Variants in RGS6 observed in about 807,000 individuals in gnomAD.
The protein encoded by RGS6 is regulator of G protein signaling 6.
A neutral mutation model predicts 78.5 loss-of-function variants in RGS6; 30 were observed. The observed-to-expected ratio is 0.38, with a 90% confidence interval of 0.29 to 0.52. The LOEUF (loss-of-function observed/expected upper bound fraction) is 0.52. Among genes scored for constraint, RGS6 ranks in the 20% least tolerant of loss-of-function variants. The pLI, the probability that RGS6 is intolerant of heterozygous loss-of-function variation, is 0.85. For missense variants in RGS6, 495 were observed against 609.7 expected (o/e 0.81, Z 1.98); for synonymous variants, 206 against 206.0 (o/e 1.00, Z 0.00).
At chr14:72,614,733 A>AAAT in the RGS6 span, among the ~76,000 whole-genome samples, 5 of 150,042 alleles carry the variant, frequency 3.3e-5, no homozygotes, top group East Asian at 2.0e-4. Flanking sequence ...CCTTTTTACA[A>AAAT]AATAATAATA....
chr14:72,472,910 T>C lies in RGS6; in HGVS notation c.575T>C (p.Leu192Ser), dbSNP rs1188196940. The C allele has an allele frequency of 6.2e-7, 1 of 1,613,500 alleles. No homozygotes were observed. Among genetic ancestry groups the C allele is most frequent in the Non-Finnish European group, 8.5e-7 (1 of 1,179,770 alleles). Residue 192 changes from leucine (L) to serine (S), a missense_variant, in exon 9 of 18, where the codon TTG becomes TCG. By Grantham distance (145) the Leu-to-Ser change is moderately radical (BLOSUM62 -2). Coordinates refer to ENST00000553525, the MANE Select transcript of RGS6 (RefSeq NM_001204424.2). ...AAAGACAAGACAGAAAGGAAAATTT[T>C]GGATAGTCAAGAACGAGCCTTTTGG... ...RKKDKTERKI[L>S]DSQERAFWDV...
At chr14:72,410,436 T>G (rs2093323680) in intron 3 of RGS6, among the ~76,000 whole-genome samples, 1 of 152,194 alleles carries the variant, frequency 6.6e-6, no homozygotes, top group Non-Finnish European at 1.5e-5. Context: ...TCTTGTAAAT[T>G]TGTTGGAGTT....
chr14:72,386,232 C>T (rs144879653), intron 3 of RGS6, among the ~76,000 whole-genome samples: 58 of 152,190 alleles, frequency 3.8e-4, no homozygotes, highest in African/African-American at 1.3e-3. Flanking sequence ...TGTTTGATGT[C>T]AAAATACTAA....
chr14:72,334,746 G>A (rs1256394818), intron 2 of RGS6, among the ~76,000 whole-genome samples: 1 of 152,096 alleles, frequency 6.6e-6, no homozygotes, highest in Non-Finnish European at 1.5e-5. Flanking sequence ...CTTTCCAGAT[G>A]AGACTCTCCC....
chr14:72,186,307 C>G (rs2097245782), intron 2 of RGS6, among the ~76,000 whole-genome samples: 1 of 152,220 alleles, frequency 6.6e-6, no homozygotes, highest in Non-Finnish European at 1.5e-5. Flanking sequence ...GGCATTAACG[C>G]AGATGGAATA....
intron 2 of RGS6, among the ~76,000 whole-genome samples, chr14:72,017,161 T>C (rs1007140188): frequency 6.6e-6 from 1 of 152,174 alleles, no homozygotes; most frequent in Admixed American, 6.5e-5. Flanking sequence ...AGCTTCTTTC[T>C]AAGTAGCTGT....
the RGS6 span, among the ~76,000 whole-genome samples, chr14:72,622,912 T>C: frequency 6.6e-5 from 10 of 152,142 alleles, no homozygotes; most frequent in Non-Finnish European, 1.3e-4. Flanking sequence ...ACATTTACAC[T>C]ATCTGTAAAG....
intron 2 of RGS6, among the ~76,000 whole-genome samples, chr14:72,348,438 G>A (rs547837945): frequency 7.2e-5 from 11 of 152,260 alleles, no homozygotes; most frequent in Admixed American, 4.6e-4. Flanking sequence ...TAGATGTTCT[G>A]AAAATACTTA....
chr14:72,610,282 G>T, the RGS6 span, among the ~76,000 whole-genome samples: 1 of 152,208 alleles, frequency 6.6e-6, no homozygotes, highest in Non-Finnish European at 1.5e-5. Flanking sequence ...GGTGGAGCCT[G>T]TGCAGGCCTG....
intron 2 of RGS6, among the ~76,000 whole-genome samples, chr14:72,253,930 A>G (rs1180930775): frequency 1.3e-5 from 2 of 152,132 alleles, no homozygotes; most frequent in Admixed American, 1.3e-4. Flanking sequence ...TCGGGGCACC[A>G]CCTCTGCTCA....
At chr14:72,073,556 C>A (rs1354897504) in intron 2 of RGS6, among the ~76,000 whole-genome samples, 1 of 152,140 alleles carries the variant, frequency 6.6e-6, no homozygotes, top group Non-Finnish European at 1.5e-5. Context: ...AGGACACCAT[C>A]CCATCACAGG....
the RGS6 span, among the ~76,000 whole-genome samples, chr14:71,895,680 A>G: frequency 1.3e-5 from 2 of 152,174 alleles, no homozygotes; most frequent in Non-Finnish European, 2.9e-5. Context: ...ACTGCTTGTT[A>G]TGCTGTGTGC....
chr14:72,356,983 G>T (rs936241982), intron 3 of RGS6, among the ~76,000 whole-genome samples: 3 of 152,124 alleles, frequency 2.0e-5, no homozygotes, highest in Non-Finnish European at 4.4e-5. Context: ...TTGAAAATGT[G>T]GAAGCAGCCA....
the RGS6 span, among the ~76,000 whole-genome samples, chr14:72,578,433 G>C: frequency 2.0e-5 from 3 of 152,142 alleles, no homozygotes; most frequent in Admixed American, 1.3e-4. Context: ...TCTTAGCTGA[G>C]GTCCAGAACT....
chr14:72,009,179 A>T (rs2085180875), intron 2 of RGS6, among the ~76,000 whole-genome samples: 1 of 152,196 alleles, frequency 6.6e-6, no homozygotes, highest in Non-Finnish European at 1.5e-5. Context: ...ACAGAGCAAG[A>T]TGCCATTTCT....
At chr14:72,272,838 G>C (rs1160185970) in intron 2 of RGS6, among the ~76,000 whole-genome samples, 1 of 152,246 alleles carries the variant, frequency 6.6e-6, no homozygotes, top group Non-Finnish European at 1.5e-5. Flanking sequence ...TTGGAGACCA[G>C]GTGCAATGGC....
chr14:72,331,052 A>G (rs908632898), intron 2 of RGS6, among the ~76,000 whole-genome samples: 1 of 152,182 alleles, frequency 6.6e-6, no homozygotes, highest in Non-Finnish European at 1.5e-5. Context: ...CTGGAGGATC[A>G]GTCTGTAGAG....
chr14:72,240,302 C>T (rs1242926037), intron 2 of RGS6, among the ~76,000 whole-genome samples: 1 of 152,138 alleles, frequency 6.6e-6, no homozygotes, highest in Non-Finnish European at 1.5e-5. Flanking sequence ...AGTGAGTAGG[C>T]AAGTCAACTG....
chr14:72,044,098 C>T (rs2092651682), intron 2 of RGS6, among the ~76,000 whole-genome samples: 2 of 152,130 alleles, frequency 1.3e-5, no homozygotes, highest in Non-Finnish European at 2.9e-5. Flanking sequence ...CCTCATGAGC[C>T]CATCAAAAAC....
Sources: allele counts gnomAD v4.1 joint callset (sites outside exome capture counted in the v4.1 genomes callset), GRCh38; gene constraint gnomAD v4.1.1; transcripts MANE v1.5; gene names NCBI Gene and HGNC (gene_info 2026-07-23, HGNC 2026-07-21).